ITGB6: variants seen among roughly 807,000 people sequenced by gnomAD.
ITGB6 encodes the protein integrin beta-6.
A neutral mutation model predicts 84.5 loss-of-function variants in ITGB6; 80 were observed. That is an observed-to-expected ratio of 0.95 (90% confidence interval 0.79 to 1.14). The LOEUF (loss-of-function observed/expected upper bound fraction) is 1.14. Ranked by LOEUF, ITGB6 falls within the 50% of genes most tolerant of loss-of-function variation. The probability of loss-of-function intolerance (pLI) is 0.00; values close to 1 mark genes in which losing one functional copy is unlikely to be tolerated. For missense variants in ITGB6, 1,006 were observed against 968.0 expected (o/e 1.04, Z -0.52); for synonymous variants, 383 against 354.9 (o/e 1.08, Z -0.89).
intron 7 of ITGB6, among the ~76,000 whole-genome samples, chr2:160,150,482 G>A (rs530933075): frequency 5.9e-5 from 9 of 152,232 alleles, no homozygotes; most frequent in Admixed American, 2.0e-4. Flanking sequence ...AGAAACAACC[G>A]GTACTAGCCA....
At chr2:160,126,196 A>G (rs950418757) in intron 11 of ITGB6, among the ~76,000 whole-genome samples, 183 bp downstream of exon 11, 5 of 152,220 alleles carry the variant, frequency 3.3e-5, no homozygotes, top group South Asian at 4.1e-4. Context: ...GAAAGAGGTA[A>G]GCGAGAGATT....
chr2:160,172,415 T>A (rs1190213764), intron 6 of ITGB6, among the ~76,000 whole-genome samples, 154 bp downstream of exon 6: 1 of 152,214 alleles, frequency 6.6e-6, no homozygotes, highest in Non-Finnish European at 1.5e-5. Context: ...CCTCTGAGGA[T>A]GGTGAGAATC....
At chr2:160,155,049 C>T (rs1450560891) in intron 7 of ITGB6, among the ~76,000 whole-genome samples, 1 of 152,184 alleles carries the variant, frequency 6.6e-6, no homozygotes, top group Admixed American at 6.6e-5. Context: ...CTTCCTCCTT[C>T]TCCGCGCCTG....
Position 160,174,051 on chromosome 2 carries a change from T to C in ITGB6, c.682A>G (p.Lys228Glu). 1 of 1,613,130 alleles carries C rather than the reference T, an allele frequency of 6.2e-7. No individual in the cohort carries two copies. Among genetic ancestry groups the C allele is most frequent in the South Asian group, 1.1e-5 (1 of 90,674 alleles). ...ATATTAGCAGAAATTTTCTGATTCT[T>C]CACAATTTCATTGAATCTTTCAGCA... ...NDAERFNEIV[K>E]NQKISANIDT... Residue 228 changes from lysine to glutamate, a missense_variant, in exon 5 of 15, where the codon AAG becomes GAG. By Grantham distance (56) the Lys-to-Glu change is moderately conservative. Transcript: ENST00000283249.
intron 4 of ITGB6, among the ~76,000 whole-genome samples, chr2:160,179,574 G>C (rs1574128007): frequency 6.9e-6 from 1 of 145,322 alleles, no homozygotes; most frequent in East Asian, 2.1e-4. Flanking sequence ...GGTATTTTTA[G>C]TTGAGACAGG....
intron 14 of ITGB6, among the ~76,000 whole-genome samples, chr2:160,106,740 C>T (rs951397672): frequency 8.5e-5 from 13 of 152,140 alleles, no homozygotes; most frequent in Admixed American, 8.5e-4. Flanking sequence ...AGAAACATCC[C>T]TTATCAAGAT....
intron 7 of ITGB6, among the ~76,000 whole-genome samples, chr2:160,159,338 G>A (rs541314336): frequency 2.6e-5 from 4 of 152,252 alleles, no homozygotes; most frequent in East Asian, 3.9e-4. Context: ...ATTCTAATGA[G>A]CACCTAAGTT....
chr2:160,146,963 G>A (rs1684220478), intron 7 of ITGB6, among the ~76,000 whole-genome samples: 1 of 151,834 alleles, frequency 6.6e-6, no homozygotes, highest in South Asian at 2.1e-4. Flanking sequence ...AGCCTGGCAT[G>A]TTGGTGTGCA....
chr2:160,117,704 C>T (rs1242920475), intron 12 of ITGB6, among the ~76,000 whole-genome samples: 1 of 151,920 alleles, frequency 6.6e-6, no homozygotes, highest in Admixed American at 6.6e-5. Flanking sequence ...AAAAACCCTT[C>T]AAAAAATTAA....
At chr2:160,139,649 T>C (rs1246656894) in intron 8 of ITGB6, among the ~76,000 whole-genome samples, 3 of 152,198 alleles carry the variant, frequency 2.0e-5, no homozygotes, top group African/African-American at 4.8e-5. Context: ...TTTAACAGCA[T>C]ATTGCAAATT....
chr2:160,162,926 T>C (rs1239316536), intron 7 of ITGB6, among the ~76,000 whole-genome samples: 1 of 152,080 alleles, frequency 6.6e-6, no homozygotes, highest in African/African-American at 2.4e-5. Context: ...GCCGAGTGTT[T>C]ATTATATTAC....
chr2:160,199,705 A>G (rs1686481534), intron 1 of ITGB6, among the ~76,000 whole-genome samples: 2 of 152,354 alleles, frequency 1.3e-5, no homozygotes, highest in South Asian at 4.1e-4. Flanking sequence ...GTAGAATAAA[A>G]TAGAAAAGTT....
At chr2:160,172,153 G>T (rs1204211810) in intron 6 of ITGB6, among the ~76,000 whole-genome samples, 1 of 152,220 alleles carries the variant, frequency 6.6e-6, no homozygotes, top group African/African-American at 2.4e-5. Context: ...AGCCATACCT[G>T]ACTAGTTGTT....
intron 4 of ITGB6, among the ~76,000 whole-genome samples, chr2:160,187,971 G>A (rs1685970607): frequency 6.6e-6 from 1 of 152,102 alleles, no homozygotes; most frequent in Non-Finnish European, 1.5e-5. Flanking sequence ...AAGTGTTAAT[G>A]AGAGCGAGAA....
chr2:160,127,837 G>A (rs1343427379), intron 10 of ITGB6, among the ~76,000 whole-genome samples: 1 of 152,150 alleles, frequency 6.6e-6, no homozygotes, highest in Non-Finnish European at 1.5e-5. Context: ...ATATGATAAT[G>A]ATGCAAGACA....
chr2:160,188,450 T>A (rs1411461098), intron 4 of ITGB6, among the ~76,000 whole-genome samples: 1 of 152,182 alleles, frequency 6.6e-6, no homozygotes, highest in Non-Finnish European at 1.5e-5. Flanking sequence ...ATCAAATAGA[T>A]GATTCTCCTT....
chr2:160,129,742 CTAGT>C (rs2105806059), intron 10 of ITGB6, among the ~76,000 whole-genome samples: 1 of 152,218 alleles, frequency 6.6e-6, no homozygotes, highest in African/African-American at 2.4e-5. Context: ...AAACTTTGGT[CTAGT>C]AAGTGGCTTA....
chr2:160,101,927 C>T, intron 14 of ITGB6, 93 bp from the exon 15 acceptor site: 1 of 712,718 alleles, frequency 1.4e-6, no homozygotes, highest in South Asian at 1.7e-5. Flanking sequence ...GAGAGTCAAG[C>T]TCAGTCTTGG....
At chr2:160,108,766 T>C (rs1449042373) in intron 13 of ITGB6, among the ~76,000 whole-genome samples, 1 of 152,240 alleles carries the variant, frequency 6.6e-6, no homozygotes, top group Non-Finnish European at 1.5e-5. Context: ...TACTTTCAAC[T>C]TGAATATTCT....
Sources: allele counts gnomAD v4.1 joint callset (sites outside exome capture counted in the v4.1 genomes callset), GRCh38; gene constraint gnomAD v4.1.1; transcripts MANE v1.5; gene names NCBI Gene and HGNC (gene_info 2026-07-23, HGNC 2026-07-21).